The following MED13L variants were observed in gnomAD, a reference collection of about 807,000 sequenced individuals.
MED13L encodes mediator of RNA polymerase II transcription subunit 13-like.
A neutral mutation model predicts 220.9 loss-of-function variants in MED13L; 7 were observed. The ratio of observed to expected loss-of-function variants is 0.03; its 90% CI spans 0.02 to 0.06. The LOEUF (loss-of-function observed/expected upper bound fraction) is 0.06. Among genes scored for constraint, MED13L ranks in the 10% least tolerant of loss-of-function variants. The probability of loss-of-function intolerance (pLI) is 1.00; values close to 1 mark genes in which losing one functional copy is unlikely to be tolerated. For missense variants in MED13L, 1,965 were observed against 2,760.5 expected, an observed-to-expected ratio of 0.71 and a Z score of 6.46; for synonymous variants, 1,011 against 1,015.2, an observed-to-expected ratio of 1.00 and a Z score of 0.08.
intron 4 of MED13L, among the ~76,000 whole-genome samples, chr12:116,075,454 C>T (rs1870705360): frequency 1.3e-5 from 2 of 152,158 alleles, no homozygotes; most frequent in South Asian, 4.1e-4. Flanking sequence ...AATATGATTC[C>T]CTAGGACTCC....
chr12:116,044,482 G>A (rs1881715577), intron 4 of MED13L, among the ~76,000 whole-genome samples: 2 of 152,292 alleles, frequency 1.3e-5, no homozygotes, highest in Non-Finnish European at 2.9e-5. Flanking sequence ...TGTGATACTA[G>A]TGGGAAGAAG....
At chr12:116,161,596 A>G (rs1262899540) in intron 2 of MED13L, among the ~76,000 whole-genome samples, 1 of 152,174 alleles carries the variant, frequency 6.6e-6, no homozygotes, top group Non-Finnish European at 1.5e-5. Flanking sequence ...CGTCAAAGTG[A>G]GCCCACAAGC....
chr12:116,215,259 C>T (rs2138368265), intron 2 of MED13L, among the ~76,000 whole-genome samples: 1 of 152,300 alleles, frequency 6.6e-6, no homozygotes, highest in East Asian at 1.9e-4. Context: ...AGTGAACATT[C>T]TTTGTTTCCT....
At chr12:115,997,304 A>G (rs11067873) in intron 14 of MED13L, 74 bp from the exon 15 acceptor site, 2 of 1,186,638 alleles carry the variant, frequency 1.7e-6, no homozygotes, top group Non-Finnish European at 2.5e-6. Context: ...AGCCAGGCGC[A>G]CTCTTTGGCA....
intron 2 of MED13L, among the ~76,000 whole-genome samples, chr12:116,119,809 TAAAAAAAAAAA>T (rs57622950): frequency 0.18 from 6,846 of 38,830 alleles, 466 homozygotes; most frequent in Middle Eastern, 0.31. Flanking sequence ...CCCATATCTT[TAAAAAAAAAAA>T]AAAAAAAAAA....
chr12:116,077,515 CTG>C (rs1331673315), intron 4 of MED13L, among the ~76,000 whole-genome samples: 1 of 152,038 alleles, frequency 6.6e-6, no homozygotes, highest in African/African-American at 2.4e-5. Context: ...AATGTCATAA[CTG>C]TTAAGTAAAA....
In MED13L at chr12:116,236,506, TA is replaced by T. The variant is rs77630380; in HGVS notation, c.310+961del. Among the ~76,000 whole-genome samples, 203 of 142,732 alleles carry T rather than the reference TA, an allele frequency of 1.4e-3. 1 individual carries two copies. In the East Asian group the frequency reaches 0.016, roughly 11 times the overall value. The allele number at this position is 142,732 out of a possible 152,430, so 93.6% of individuals were successfully genotyped here. A position where few individuals can be genotyped will look rare whatever the true frequency, so the allele number is the denominator to read the frequency against. On this transcript the variant is annotated intron_variant, in intron 2 of 30. Coordinates refer to ENST00000281928, the MANE Select transcript of MED13L (RefSeq NM_015335.5). The stretch of plus-strand genomic sequence containing the variant: ...TTACAGTTAGTTTTACTCCTTCCTT[TA>T]AAAAAAAAAAACATTAAAAACATCA...
intron 2 of MED13L, among the ~76,000 whole-genome samples, chr12:116,209,509 C>T (rs1361994626): frequency 6.6e-6 from 1 of 152,146 alleles, no homozygotes; most frequent in Non-Finnish European, 1.5e-5. Flanking sequence ...TTTCTGATGC[C>T]TTGACCCAGT....
chr12:116,085,984 T>C (rs1871644079), intron 4 of MED13L, among the ~76,000 whole-genome samples: 1 of 152,208 alleles, frequency 6.6e-6, no homozygotes, highest in African/African-American at 2.4e-5. Flanking sequence ...ATGCTAGAAC[T>C]GTGAAGGACA....
intron 1 of MED13L, among the ~76,000 whole-genome samples, chr12:116,257,485 G>A (rs115475869): frequency 6.6e-6 from 1 of 152,116 alleles, no homozygotes; most frequent in Non-Finnish European, 1.5e-5. Flanking sequence ...AACCTAGAAT[G>A]CAACCTTGAT....
intron 4 of MED13L, among the ~76,000 whole-genome samples, chr12:116,074,330 G>A (rs1368437656): frequency 2.6e-5 from 4 of 152,194 alleles, no homozygotes; most frequent in Non-Finnish European, 5.9e-5. Context: ...AGGAAGCAGA[G>A]GTTGCAGTAA....
At chr12:116,067,967 T>C (rs1234345863) in intron 4 of MED13L, among the ~76,000 whole-genome samples, 6 of 152,340 alleles carry the variant, frequency 3.9e-5, no homozygotes, top group South Asian at 4.1e-4. Flanking sequence ...AGAAAGATGA[T>C]ATGTGAAAGG....
chr12:115,970,300 G>C (rs1334942723), intron 27 of MED13L, among the ~76,000 whole-genome samples: 1 of 152,162 alleles, frequency 6.6e-6, no homozygotes, highest in African/African-American at 2.4e-5. Context: ...AATATTTATT[G>C]AAAGAGTGGC....
At chr12:116,100,921 A>AAAC (rs1343599552) in intron 3 of MED13L, among the ~76,000 whole-genome samples, 1 of 152,128 alleles carries the variant, frequency 6.6e-6, no homozygotes, top group Admixed American at 6.6e-5. Context: ...CTCAAAAACA[A>AAAC]AACAACAACA....
chr12:116,184,245 A>C (rs1880733085), intron 2 of MED13L, among the ~76,000 whole-genome samples: 1 of 152,214 alleles, frequency 6.6e-6, no homozygotes, highest in Non-Finnish European at 1.5e-5. Flanking sequence ...GTTACAATCA[A>C]TCTACAGTAA....
intron 3 of MED13L, among the ~76,000 whole-genome samples, chr12:116,107,723 C>A (rs1873700775): frequency 6.6e-6 from 1 of 152,120 alleles, no homozygotes; most frequent in Admixed American, 6.5e-5. Flanking sequence ...TGTTAACATG[C>A]AAACTATGGA....
chr12:116,130,059 A>C (rs1027000130), intron 2 of MED13L, among the ~76,000 whole-genome samples: 3 of 152,172 alleles, frequency 2.0e-5, no homozygotes, highest in African/African-American at 4.8e-5. Flanking sequence ...TCTATAACAG[A>C]CCCTTGATAT....
intron 1 of MED13L, among the ~76,000 whole-genome samples, chr12:116,252,192 C>T (rs1311737962): frequency 6.6e-6 from 1 of 152,056 alleles, no homozygotes; most frequent in Non-Finnish European, 1.5e-5. Context: ...ACCAAATTGA[C>T]ATTTATAAAA....
chr12:115,980,737 T>C lies in MED13L; in HGVS notation c.5364+13A>G. ...GTATAAATTTTCTAAGTTTCTGTCC[T>C]GCCAATACCTACCTCAGGGTTCTTG... On this transcript the variant is annotated intron_variant, in intron 23 of 30. Coordinates refer to ENST00000281928, the MANE Select transcript of MED13L (RefSeq NM_015335.5). 6.2e-7 allele frequency: 1 copy of C among 1,613,840 alleles called. No individual in the cohort carries two copies. Among genetic ancestry groups the C allele is most frequent in the Non-Finnish European group, 8.5e-7 (1 of 1,179,782 alleles).
Sources: allele counts gnomAD v4.1 joint callset (sites outside exome capture counted in the v4.1 genomes callset), GRCh38; gene constraint gnomAD v4.1.1; transcripts MANE v1.5; gene names NCBI Gene and HGNC (gene_info 2026-07-23, HGNC 2026-07-21).